Variants in KCNIP4 observed in about 807,000 individuals in gnomAD.
The protein encoded by KCNIP4 is potassium voltage-gated channel interacting protein 4, also known as Kv channel-interacting protein 4.
KCNIP4 carries 12 observed loss-of-function variants against 34.0 expected under a neutral mutation model. The ratio of observed to expected loss-of-function variants is 0.35; its 90% CI spans 0.23 to 0.57. KCNIP4 has a LOEUF of 0.57. KCNIP4 is among the 20% of genes least tolerant of loss of function. The pLI is 0.83. For missense variants in KCNIP4, 238 were observed against 311.7 expected (o/e 0.76, Z 1.78); for synonymous variants, 124 against 102.2 (o/e 1.21, Z -1.29).
rs151018114 is a variant in KCNIP4, at chr4:21,750,492, AG to A, written c.61+198078del. On this transcript the variant is annotated intron_variant, in intron 1 of 8. Coordinates refer to ENST00000382152, the MANE Select transcript of KCNIP4 (RefSeq NM_025221.6). Reference sequence around the variant, plus strand: ...TAGGTCTGATGCTAGGTTGGGAATGAGGGTGTAGTGATTGAGCTTGATGATG... The same window carrying A: ...TAGGTCTGATGCTAGGTTGGGAATGAGGTGTAGTGATTGAGCTTGATGATG... Among the ~76,000 whole-genome samples the A allele has an allele frequency of 8.7e-3, 1,329 of 152,244 alleles. 18 individuals are homozygous for A. Among genetic ancestry groups the A allele is most frequent in the South Asian group, 0.039 (186 of 4,818 alleles).
rs575918148 is a variant in KCNIP4 at position 21,766,796 on chromosome 4, T to C, written c.61+181775A>G. On this transcript the variant is annotated intron_variant, in intron 1 of 8. Transcript: ENST00000382152. ...TTTGTTAAACTGACCAGCATAGTCA[T>C]GGACTGAGAGTCAGAAAGTGTGTGT... Among the ~76,000 whole-genome samples, 4 of 152,282 alleles carry C rather than the reference T, an allele frequency of 2.6e-5. No homozygotes were observed. The South Asian group carries it at 8.3e-4, about 32-fold the overall frequency.
intron 1 of KCNIP4, among the ~76,000 whole-genome samples, chr4:21,673,308 A>G (rs1325176466): frequency 6.6e-6 from 1 of 152,152 alleles, no homozygotes; most frequent in African/African-American, 2.4e-5. Flanking sequence ...CAAAAGTGTT[A>G]TTTTCCATTA....
intron 1 of KCNIP4, among the ~76,000 whole-genome samples, chr4:21,445,320 A>T (rs1408501533): frequency 2.0e-5 from 3 of 152,230 alleles, no homozygotes; most frequent in Admixed American, 6.5e-5. Flanking sequence ...TGCCAAGTTA[A>T]TCGTAAGCCA....
chr4:21,892,102 G>A (rs906357475), intron 1 of KCNIP4, among the ~76,000 whole-genome samples: 1 of 152,048 alleles, frequency 6.6e-6, no homozygotes, highest in Non-Finnish European at 1.5e-5. Flanking sequence ...ACTGTTGAGA[G>A]AATGCTGTTG....
chr4:20,936,757 A>G (rs1416338128), intron 1 of KCNIP4, among the ~76,000 whole-genome samples: 1 of 152,120 alleles, frequency 6.6e-6, no homozygotes, highest in Non-Finnish European at 1.5e-5. Context: ...TTATTTTTCA[A>G]TCCCTCACCA....
chr4:21,708,027 CA>C (rs1471634005), intron 1 of KCNIP4, among the ~76,000 whole-genome samples: 1 of 151,838 alleles, frequency 6.6e-6, no homozygotes, highest in Non-Finnish European at 1.5e-5. Context: ...CTCTTTTTCC[CA>C]CTCTTTGGTG....
intron 2 of KCNIP4, among the ~76,000 whole-genome samples, chr4:20,853,774 A>G (rs1251577817): frequency 2.6e-5 from 4 of 152,178 alleles, no homozygotes; most frequent in Non-Finnish European, 5.9e-5. Flanking sequence ...ATATCCAGAA[A>G]GTACAACGAA....
chr4:21,800,875 G>A (rs1720947873), intron 1 of KCNIP4, among the ~76,000 whole-genome samples: 2 of 152,120 alleles, frequency 1.3e-5, no homozygotes, highest in Admixed American at 6.5e-5. Flanking sequence ...AGGTAATCAA[G>A]CACACTATAG....
At chr4:21,921,968 GGGTGATCC>G (rs1728962905) in intron 1 of KCNIP4, among the ~76,000 whole-genome samples, 1 of 152,228 alleles carries the variant, frequency 6.6e-6, no homozygotes, top group South Asian at 2.1e-4. Flanking sequence ...GGTTCTCCCT[GGGTGATCC>G]GGCTCCCACC....
chr4:21,528,672 AAACAAAGAAAGAAAGAAAGAAAG>A (rs1736199286), intron 1 of KCNIP4, among the ~76,000 whole-genome samples: 1 of 91,986 alleles, frequency 1.1e-5, no homozygotes, highest in African/African-American at 4.5e-5. Context: ...GTCTCATAAA[AAACAAAGAAAGAAAGAAAGAAAG>A]AAAGAAAGAA....
intron 1 of KCNIP4, among the ~76,000 whole-genome samples, chr4:21,466,630 A>C (rs974722815): frequency 1.3e-5 from 2 of 152,200 alleles, no homozygotes. Context: ...GAGAGGTCAA[A>C]TCATGCTCAG....
At chr4:21,757,482 A>G (rs1717746155) in intron 1 of KCNIP4, among the ~76,000 whole-genome samples, 1 of 152,156 alleles carries the variant, frequency 6.6e-6, no homozygotes, top group Admixed American at 6.6e-5. Flanking sequence ...CACAATATTT[A>G]TCATGATGTA....
chr4:21,298,525 A>T (rs1560267207), intron 1 of KCNIP4, among the ~76,000 whole-genome samples: 1 of 151,998 alleles, frequency 6.6e-6, no homozygotes, highest in Non-Finnish European at 1.5e-5. Flanking sequence ...TCCTTTCTCC[A>T]ATCACCAGCC....
chr4:21,480,731 ACT>A (rs1731349930), intron 1 of KCNIP4, among the ~76,000 whole-genome samples: 1 of 152,206 alleles, frequency 6.6e-6, no homozygotes, highest in African/African-American at 2.4e-5. Flanking sequence ...ATTATTAAAG[ACT>A]CATATGTAGA....
At chr4:21,522,089 T>C (rs1735574492) in intron 1 of KCNIP4, among the ~76,000 whole-genome samples, 1 of 152,140 alleles carries the variant, frequency 6.6e-6, no homozygotes, top group South Asian at 2.1e-4. Context: ...GCTGCATTAA[T>C]AGAGGCAAAT....
chr4:21,808,162 T>C (rs1370455780), intron 1 of KCNIP4, among the ~76,000 whole-genome samples: 1 of 152,188 alleles, frequency 6.6e-6, no homozygotes, highest in Non-Finnish European at 1.5e-5. Flanking sequence ...ATAGTTTTGA[T>C]ATTGTCACAT....
Position 20,734,709 on chromosome 4 carries a change from C to T in KCNIP4, c.456G>A (p.Leu152=). The part of the protein sequence containing the change: ...FEDFIKGLSI[L]LRGTVQEKLN... ...GTTTTTCTTGTACTGTCCCCCGGAG[C>T]AAAATGGAAAGACCTTTGATGAAAT... The change falls in exon 6 of 9, where the codon TTG becomes TTA. Residue 152 remains leucine (L), a synonymous_variant. Transcript: ENST00000382152. 1 of 1,586,736 alleles carries T rather than the reference C, an allele frequency of 6.3e-7. No homozygotes were observed. The highest frequency in any genetic ancestry group is 8.6e-7 in the Non-Finnish European group (1 of 1,167,116).
intron 1 of KCNIP4, among the ~76,000 whole-genome samples, chr4:21,203,295 C>T (rs1756622315): frequency 6.6e-6 from 1 of 152,148 alleles, no homozygotes; most frequent in Non-Finnish European, 1.5e-5. Context: ...CGCTCAAAGT[C>T]ACAGTGCCCA....
intron 3 of KCNIP4, among the ~76,000 whole-genome samples, chr4:20,765,657 G>A (rs994578971): frequency 6.6e-6 from 1 of 152,310 alleles, no homozygotes; most frequent in Non-Finnish European, 1.5e-5. Context: ...GTATTTAGGA[G>A]CTGGAGGTCT....
Sources: allele counts gnomAD v4.1 joint callset (sites outside exome capture counted in the v4.1 genomes callset), GRCh38; gene constraint gnomAD v4.1.1; transcripts MANE v1.5; gene names NCBI Gene and HGNC (gene_info 2026-07-23, HGNC 2026-07-21).